Variants in FGD3 observed in about 807,000 individuals in gnomAD.
FGD3 encodes the protein FYVE, RhoGEF and PH domain containing 3, also known as FYVE, RhoGEF and PH domain-containing protein 3.
Under a neutral mutation model 71.8 loss-of-function variants are expected in FGD3, and 45 were observed. That is an observed-to-expected ratio of 0.63 (90% CI 0.49 to 0.80). The LOEUF is 0.80. FGD3 is among the 30% of genes least tolerant of loss of function. The pLI, the probability that FGD3 is intolerant of heterozygous loss-of-function variation, is 0.00. For synonymous variants in FGD3, 378 were observed against 392.8 expected (o/e 0.96, Z 0.44); for missense variants, 844 against 951.5 (o/e 0.89, Z 1.49).
intron 6 of FGD3, among the ~76,000 whole-genome samples, chr9:93,006,884 G>A (rs1861079852): frequency 1.3e-5 from 2 of 150,778 alleles, no homozygotes; most frequent in Admixed American, 1.3e-4. Context: ...CCACCACCAC[G>A]CCCAGCTAAT....
At chr9:92,971,555 T>C (rs578199591) in intron 1 of FGD3, among the ~76,000 whole-genome samples, 4 of 84,430 alleles carry the variant, frequency 4.7e-5, no homozygotes, top group African/African-American at 2.3e-4. Context: ...TCTTTTCTTT[T>C]CTTTTCTTTT....
chr9:93,029,012 T>G (rs1326100028), intron 14 of FGD3, among the ~76,000 whole-genome samples: 21 of 122,906 alleles, frequency 1.7e-4, no homozygotes, highest in African/African-American at 4.6e-4. Context: ...TTTTTTTTTT[T>G]TTTTTTTTTT....
chr9:92,983,868 C>T (rs1250672764), intron 3 of FGD3, among the ~76,000 whole-genome samples: 1 of 152,034 alleles, frequency 6.6e-6, no homozygotes, highest in Non-Finnish European at 1.5e-5. Flanking sequence ...ATCCACATTT[C>T]CATGCCTTCT....
intron 11 of FGD3, among the ~76,000 whole-genome samples, chr9:93,018,747 CG>C (rs1243367166): frequency 2.0e-5 from 3 of 152,186 alleles, no homozygotes; most frequent in Admixed American, 6.5e-5. Context: ...CTATGGGACT[CG>C]GGGCGGTTTT....
rs999917536 is a variant in FGD3 at position 93,018,144 on chromosome 9, T to A, written c.1284T>A (p.Asp428Glu). 5 of 1,613,920 alleles carry A rather than the reference T, an allele frequency of 3.1e-6. No homozygotes were observed. The highest frequency in any genetic ancestry group is 2.7e-5 in the African/African-American group (2 of 74,886). ...KMDISGLQVQ[D>E]IVKPNTAHTF... ...TGTTCTTGCCCCTTCAGGTGCAGGA[T>A]ATCGTCAAGCCAAACACAGCACATA... is the stretch of plus-strand genomic sequence containing the variant. Residue 428 changes from aspartate (D) to glutamate (E), a missense_variant, in exon 11 of 18, where the codon GAT (aspartate) becomes GAA (glutamate). By Grantham distance (45) the Asp-to-Glu change is conservative. Transcript: ENST00000375482.
In FGD3 at chr9:92,968,843, G is replaced by A. The variant is rs1859431962; in HGVS notation, c.-217-6395G>A. On this transcript the variant is annotated intron_variant, in intron 1 of 17. Coordinates refer to ENST00000375482, the MANE Select transcript of FGD3 (RefSeq NM_001083536.2). ...TCTCGAACTCCTGACCTCAGGTGGA[G>A]GTCTGCCAAAGTGCCTTAGCCTCCC... Among the ~76,000 whole-genome samples the A allele has an allele frequency of 2.0e-5, 3 of 152,184 alleles. No individual in the cohort carries two copies. In the East Asian group the frequency reaches 5.8e-4, roughly 30 times the overall value.
At chr9:93,000,191 TCA>T (rs1333056835) in intron 3 of FGD3, among the ~76,000 whole-genome samples, 2 of 152,202 alleles carry the variant, frequency 1.3e-5, no homozygotes, top group African/African-American at 2.4e-5. Context: ...ACAACTTCAA[TCA>T]CATGCAAAAA....
chr9:93,005,075 C>A (rs1338645163), intron 5 of FGD3, among the ~76,000 whole-genome samples: 1 of 152,132 alleles, frequency 6.6e-6, no homozygotes, highest in Non-Finnish European at 1.5e-5. Flanking sequence ...ACCTCCTCTG[C>A]AACTTTTATA....
rs10992576 is a variant in FGD3 at position 93,015,230 on chromosome 9, C to A, written c.1183-507C>A. 3.3e-5 allele frequency among the ~76,000 whole-genome samples: 5 copies of A among 151,972 alleles called. No individual in the cohort carries two copies. The South Asian group carries it at 8.3e-4, about 25-fold the overall frequency. Reference sequence around the variant, plus strand: ...CAGCACTTTGGGAGGCTGAGGTGGGCGGATCACCTGAGGTCAGGACTTTGA... The same window carrying A: ...CAGCACTTTGGGAGGCTGAGGTGGGAGGATCACCTGAGGTCAGGACTTTGA... On this transcript the variant is annotated intron_variant, in intron 9 of 17. Coordinates refer to ENST00000375482, the MANE Select transcript of FGD3 (RefSeq NM_001083536.2).
intron 1 of FGD3, among the ~76,000 whole-genome samples, chr9:92,953,135 C>G (rs1404038828): frequency 6.6e-6 from 1 of 152,158 alleles, no homozygotes; most frequent in Non-Finnish European, 1.5e-5. Flanking sequence ...TATTCAGGGC[C>G]TGATTGAGTG....
At chr9:93,014,118 C>T in intron 9 of FGD3, 120 bp downstream of exon 9, 1 of 1,301,550 alleles carries the variant, frequency 7.7e-7, no homozygotes. Context: ...GCCTCTCCTA[C>T]TGGGACTGTG....
At chr9:93,017,854 T>C (rs1451446184) in intron 10 of FGD3, among the ~76,000 whole-genome samples, 2 of 148,068 alleles carry the variant, frequency 1.4e-5, no homozygotes, top group East Asian at 4.1e-4. Flanking sequence ...CCTGACGGGC[T>C]GGGTGTCGGG....
chr9:92,958,002 A>AT (rs34120692), intron 1 of FGD3, among the ~76,000 whole-genome samples: 44,820 of 137,088 alleles, frequency 0.33, 7,178 homozygotes, highest in Middle Eastern at 0.45. Flanking sequence ...AAAATATTTA[A>AT]TTTTTTTTTT....
intron 8 of FGD3, among the ~76,000 whole-genome samples, chr9:93,013,040 G>A (rs1861500132): frequency 6.6e-6 from 1 of 152,028 alleles, no homozygotes; most frequent in Admixed American, 6.5e-5. Context: ...TAGTGGGCAG[G>A]TGCACACCCA....
intron 1 of FGD3, among the ~76,000 whole-genome samples, chr9:92,971,874 GA>G (rs1476768012): frequency 2.0e-5 from 3 of 151,850 alleles, no homozygotes; most frequent in Non-Finnish European, 4.4e-5. Context: ...TCAAGGTAAT[GA>G]ATATGTGTGC....
At position 93,032,931 on chromosome 9, in the gene FGD3, T is replaced by G. The variant is rs764008290; in HGVS notation, c.1785+58T>G. On this transcript the variant is annotated intron_variant, in intron 16 of 17. Coordinates refer to ENST00000375482, the MANE Select transcript of FGD3 (RefSeq NM_001083536.2). ...TGGCGCGGCAGAGCCTCCAGACACCTGCTCCTGTGCCCCAGCAGCTCCAGC... is the reference window on the plus strand; with the variant it reads ...TGGCGCGGCAGAGCCTCCAGACACCGGCTCCTGTGCCCCAGCAGCTCCAGC... The G allele has an allele frequency of 4.1e-6, 6 of 1,468,198 alleles. No individual in the cohort carries two copies. The Admixed American group carries it at 1.0e-4, about 25-fold the overall frequency. 90.9% of individuals were successfully genotyped at this position (1,468,198 alleles called of 1,614,324 possible).
intron 1 of FGD3, among the ~76,000 whole-genome samples, chr9:92,961,560 T>A (rs1025393663): frequency 2.0e-5 from 3 of 152,216 alleles, no homozygotes; most frequent in Non-Finnish European, 4.4e-5. Context: ...CAGGTCACCC[T>A]TGCCCTTTTT....
rs149504099 is a variant in FGD3, at chr9:93,014,673, G to A, written c.1182+675G>A. The stretch of plus-strand genomic sequence containing the variant: ...GTTTTTGTTTTTAAGACAGAGTCTC[G>A]CTCTGTCACCCAGGCTGGAGTACAG... On this transcript the variant is annotated intron_variant, in intron 9 of 17. Coordinates refer to ENST00000375482, the MANE Select transcript of FGD3 (RefSeq NM_001083536.2). Among the ~76,000 whole-genome samples the A allele has an allele frequency of 6.2e-3, 937 of 151,994 alleles. 9 individuals carry two copies. The highest frequency in any genetic ancestry group is 0.021 in the African/African-American group (877 of 41,454).
At chr9:93,021,059 C>T (rs1564167816) in intron 13 of FGD3, among the ~76,000 whole-genome samples, 2 of 152,202 alleles carry the variant, frequency 1.3e-5, no homozygotes, top group African/African-American at 4.8e-5. Context: ...AGCTCTGTGA[C>T]GTCCCCAGGC....
Sources: gnomAD v4.1 joint callset for allele counts (sites outside exome capture counted in the v4.1 genomes callset) on GRCh38, gnomAD v4.1.1 for gene constraint, MANE v1.5 for transcripts, NCBI Gene and HGNC (gene_info 2026-07-23, HGNC 2026-07-21) for gene names.